Variants in CSMD1 observed in about 807,000 individuals in gnomAD.
The protein encoded by CSMD1 is CUB and sushi domain-containing protein 1.
A neutral mutation model predicts 417.5 loss-of-function variants in CSMD1; 213 were observed. That is an observed-to-expected ratio of 0.51 (90% CI 0.46 to 0.57). CSMD1 has a LOEUF of 0.57. Ranked by LOEUF, CSMD1 falls within the 20% of genes least tolerant of loss-of-function variation. The pLI, the probability that CSMD1 is intolerant of heterozygous loss-of-function variation, is 0.00. For synonymous variants in CSMD1, 2,862 were observed against 1,736.8 expected (o/e 1.65, Z -16.11); for missense variants, 6,923 against 4,529.7 (o/e 1.53, Z -15.17).
intron 8 of CSMD1, among the ~76,000 whole-genome samples, chr8:3,588,066 C>T (rs1395872635): frequency 6.6e-6 from 1 of 150,924 alleles, no homozygotes; most frequent in Non-Finnish European, 1.5e-5. Flanking sequence ...GTTTAAACCT[C>T]ATTTAAGAAA....
rs182935316 is a variant in CSMD1 at position 4,910,077 on chromosome 8, C to G, written c.85+84255G>C. ...CTCCCACTTTCTGTAACTCACAAAA[C>G]CAGACTTTACTTAGGACTGAATCTT... On this transcript the variant is annotated intron_variant, in intron 1 of 69. Coordinates refer to ENST00000635120, the MANE Select transcript of CSMD1 (RefSeq NM_033225.6). Among the ~76,000 whole-genome samples the G allele has an allele frequency of 1.2e-3, 186 of 152,314 alleles. 3 individuals are homozygous for G. The East Asian group carries it at 0.031, about 26-fold the overall frequency.
At chr8:3,282,678 C>T (rs1359775986) in intron 26 of CSMD1, among the ~76,000 whole-genome samples, 1 of 152,102 alleles carries the variant, frequency 6.6e-6, no homozygotes, top group Non-Finnish European at 1.5e-5. Flanking sequence ...AAGTACTATT[C>T]CACAGGCACG....
rs117596942 is a variant in CSMD1 at position 3,248,824 on chromosome 8, C to A, written c.4154-18593G>T. Among the ~76,000 whole-genome samples, 906 of 152,180 alleles carry A rather than the reference C, an allele frequency of 6.0e-3. 9 individuals carry two copies. The highest frequency in any genetic ancestry group is 0.053 in the East Asian group (274 of 5,158). ...ATTCTCTTGTTCACTTGGCTAAATT[C>A]TACTTACTCTGTTAATCTTAGGTTA... On this transcript the variant is annotated intron_variant, in intron 26 of 69. Coordinates refer to ENST00000635120, the MANE Select transcript of CSMD1 (RefSeq NM_033225.6).
chr8:4,116,534 G>C lies in CSMD1; in HGVS notation c.416-84435C>G, dbSNP rs530270127. Among the ~76,000 whole-genome samples, 57 of 66,346 alleles carry C rather than the reference G, an allele frequency of 8.6e-4. 7 individuals carry two copies. The highest frequency in any genetic ancestry group is 1.9e-3 in the Admixed American group (11 of 5,752). The allele number at this position is 66,346 out of a possible 152,430, so 43.5% of individuals were successfully genotyped here. On this transcript the variant is annotated intron_variant, in intron 3 of 69. Coordinates refer to ENST00000635120, the MANE Select transcript of CSMD1 (RefSeq NM_033225.6). ...GGCGATGTATGAGTGCAGGTACCTG[G>C]ATGGAACAAACGCGCCATGAATGAA... is the stretch of plus-strand genomic sequence containing the variant.
At chr8:3,199,902 A>T in intron 32 of CSMD1, 93 bp from the exon 33 acceptor site, 2 of 703,698 alleles carry the variant, frequency 2.8e-6, no homozygotes, top group East Asian at 2.8e-5. Context: ...GAAATTTCAC[A>T]TTTATTTTTT....
chr8:4,636,310 T>A (rs1291530216), intron 2 of CSMD1, among the ~76,000 whole-genome samples: 1 of 152,144 alleles, frequency 6.6e-6, no homozygotes, highest in African/African-American at 2.4e-5. Context: ...TGTTGACAAT[T>A]GAAAAAATAT....
At chr8:4,844,591 T>A (rs1362342461) in intron 1 of CSMD1, among the ~76,000 whole-genome samples, 1 of 152,234 alleles carries the variant, frequency 6.6e-6, no homozygotes, top group East Asian at 1.9e-4. Context: ...GGACACAGAT[T>A]GCTTTTTCTG....
intron 37 of CSMD1, among the ~76,000 whole-genome samples, chr8:3,166,947 A>G (rs1820259576): frequency 6.6e-6 from 1 of 152,242 alleles, no homozygotes; most frequent in African/African-American, 2.4e-5. Flanking sequence ...GCTTCATACC[A>G]TAAATGATAA....
chr8:3,356,447 C>T (rs1808796949), intron 21 of CSMD1, among the ~76,000 whole-genome samples: 1 of 152,276 alleles, frequency 6.6e-6, no homozygotes, highest in South Asian at 2.1e-4. Flanking sequence ...GAGGCCAAGG[C>T]GGGCACATCA....
At chr8:3,697,859 T>C (rs1397980923) in intron 7 of CSMD1, among the ~76,000 whole-genome samples, 2 of 152,190 alleles carry the variant, frequency 1.3e-5, no homozygotes, top group Non-Finnish European at 1.5e-5. Flanking sequence ...ATTCACTATT[T>C]GAGGTAAAAG....
At chr8:3,754,433 C>CTTATTTA (rs1554532530) in intron 5 of CSMD1, among the ~76,000 whole-genome samples, 207 of 145,572 alleles carry the variant, frequency 1.4e-3, no homozygotes, top group African/African-American at 4.7e-3. Flanking sequence ...TTAGTAATTC[C>CTTATTTA]TTATTTATTT....
chr8:4,346,409 T>G (rs1034783143), intron 3 of CSMD1, among the ~76,000 whole-genome samples: 6 of 152,130 alleles, frequency 3.9e-5, no homozygotes, highest in Non-Finnish European at 7.4e-5. Context: ...AACAGTTACA[T>G]CAGGGAGTAT....
chr8:4,084,187 G>C (rs113950449), intron 3 of CSMD1, among the ~76,000 whole-genome samples: 1 of 152,010 alleles, frequency 6.6e-6, no homozygotes, highest in South Asian at 2.1e-4. Context: ...ATTTTAAAAT[G>C]TATTTTTTCC....
intron 3 of CSMD1, among the ~76,000 whole-genome samples, chr8:4,121,281 G>T (rs535693965): frequency 6.6e-6 from 1 of 151,686 alleles, no homozygotes; most frequent in African/African-American, 2.4e-5. Context: ...CACCCAGCTC[G>T]TTTTTGTATT....
At chr8:3,939,911 T>G (rs1019230457) in intron 5 of CSMD1, among the ~76,000 whole-genome samples, 5 of 152,104 alleles carry the variant, frequency 3.3e-5, no homozygotes, top group African/African-American at 1.2e-4. Context: ...TTGGGTTCAC[T>G]GTAAACTTCT....
intron 1 of CSMD1, among the ~76,000 whole-genome samples, chr8:4,859,762 A>G (rs918249563): frequency 3.3e-5 from 5 of 151,984 alleles, no homozygotes; most frequent in Non-Finnish European, 7.4e-5. Flanking sequence ...AGGAAACAAC[A>G]GGTGCTGGAG....
chr8:4,293,094 G>T (rs893394344), intron 3 of CSMD1, among the ~76,000 whole-genome samples: 1 of 152,164 alleles, frequency 6.6e-6, no homozygotes, highest in Non-Finnish European at 1.5e-5. Context: ...TGCACATGCG[G>T]AAACAGCAGG....
At position 3,387,589 on chromosome 8, in the gene CSMD1, G is replaced by T; in HGVS notation, c.2687C>A (p.Thr896Asn). 1.2e-6 allele frequency: 2 copies of T among 1,601,154 alleles called. No individual in the cohort carries two copies. Among genetic ancestry groups the T allele is most frequent in the Non-Finnish European group, 1.7e-6 (2 of 1,173,826 alleles). ...GGDFGIRSTVTFSCDPGYTLS... is the reference protein window; with the variant it reads ...GGDFGIRSTVNFSCDPGYTLS... ...TGTGTACCCCGGGTCACAGCTGAAA[G>T]TCACTGTGGACCTGATGCCAAAGTC... The change falls in exon 18 of 70, where the codon ACT (threonine) becomes AAT (asparagine). Residue 896 changes from threonine (T) to asparagine (N), a missense_variant. Coordinates refer to ENST00000635120, the MANE Select transcript of CSMD1 (RefSeq NM_033225.6).
At chr8:3,510,930 C>T (rs1255477622) in intron 10 of CSMD1, among the ~76,000 whole-genome samples, 3 of 151,678 alleles carry the variant, frequency 2.0e-5, no homozygotes, top group South Asian at 2.1e-4. Flanking sequence ...TACATGCACA[C>T]GTATGTTTAC....
Sources: gnomAD v4.1 joint callset for allele counts (sites outside exome capture counted in the v4.1 genomes callset) on GRCh38, gnomAD v4.1.1 for gene constraint, MANE v1.5 for transcripts, NCBI Gene and HGNC (gene_info 2026-07-23, HGNC 2026-07-21) for gene names.